The following TRIM38 variants were observed in gnomAD, a reference collection of about 807,000 sequenced individuals.
TRIM38 encodes the protein tripartite motif containing 38, also known as E3 ubiquitin-protein ligase TRIM38.
In TRIM38, 35 loss-of-function variants were observed where a neutral mutation model predicts 35.8. The observed-to-expected ratio is 0.98, with a 90% confidence interval of 0.75 to 1.30. TRIM38 has a LOEUF of 1.30. TRIM38 is among the 50% of genes most tolerant of loss of function. The pLI, the probability that TRIM38 is intolerant of heterozygous loss-of-function variation, is 0.00. For synonymous variants in TRIM38, 198 were observed against 204.7 expected, an observed-to-expected ratio of 0.97 and a Z score of 0.28; for missense variants, 545 against 556.9, an observed-to-expected ratio of 0.98 and a Z score of 0.21.
At position 25,964,009 on chromosome 6, in the gene TRIM38, A is replaced by T. The variant is rs188156394; in HGVS notation, c.-189+727A>T. 1.1e-3 allele frequency among the ~76,000 whole-genome samples: 173 copies of T among 152,146 alleles called. 1 individual carries two copies. The highest frequency in any genetic ancestry group is 5.0e-3 in the South Asian group (24 of 4,798). The stretch of plus-strand genomic sequence containing the variant: ...TGGGGGATGGGGGGGGTCGAGGTGG[A>T]GTCAAATTTTATTGTCATGATGGTG... On this transcript the variant is annotated intron_variant, in intron 2 of 7. Coordinates refer to ENST00000357085, the MANE Select transcript of TRIM38 (RefSeq NM_006355.5).
intron 7 of TRIM38, chr6:25,975,118 C>T (rs557588138): frequency 3.3e-4 from 320 of 970,028 alleles, no homozygotes; most frequent in African/African-American, 2.7e-3. Flanking sequence ...CTGCAAGCTC[C>T]GCCTTCCGGG....
At chr6:25,975,101 C>T (rs1328674933) in intron 7 of TRIM38, 11 of 941,838 alleles carry the variant, frequency 1.2e-5, no homozygotes, top group South Asian at 9.8e-5. Flanking sequence ...GGTGCGATCT[C>T]GGCTCACTGC....
At chr6:25,975,472 G>A (rs1050206788) in intron 7 of TRIM38, 8 of 422,428 alleles carry the variant, frequency 1.9e-5, no homozygotes, top group African/African-American at 1.7e-4. Context: ...AAAGTGCTAG[G>A]ATTACAAGTG....
rs1760042036 is a variant in TRIM38, at chr6:25,966,321, C to A, written c.-188-14C>A. ...GTGGCCCAAACAACCTCAGCCTCAA[C>A]TTCTTCCTTTTAGGTCCTCTTTTCT... is the stretch of plus-strand genomic sequence containing the variant. On this transcript the variant is annotated splice_polypyrimidine_tract_variant and intron_variant, in intron 2 of 7. Transcript: ENST00000357085. 5.6e-6 allele frequency: 3 copies of A among 540,516 alleles called. No homozygotes were observed. Among genetic ancestry groups the A allele is most frequent in the African/African-American group, 3.8e-5 (2 of 52,222 alleles). The allele number at this position is 540,516 out of a possible 1,614,324, so 33.5% of individuals were successfully genotyped here.
intron 7 of TRIM38, chr6:25,975,460 C>T (rs1164988961): frequency 5.5e-6 from 2 of 363,006 alleles, no homozygotes; most frequent in Non-Finnish European, 7.6e-6. Flanking sequence ...TCTCTGCCTC[C>T]CAAAGTGCTA....
chr6:25,971,482 T>C (rs952536532), intron 4 of TRIM38, among the ~76,000 whole-genome samples: 1 of 152,238 alleles, frequency 6.6e-6, no homozygotes, highest in Non-Finnish European at 1.5e-5. Context: ...TTTAAGTATA[T>C]AGTTCAGTAG....
intron 7 of TRIM38, among the ~76,000 whole-genome samples, chr6:25,976,364 C>G (rs1044646781): frequency 6.6e-6 from 1 of 152,194 alleles, no homozygotes; most frequent in Non-Finnish European, 1.5e-5. Flanking sequence ...AATTCCTGGG[C>G]TTAAGCAATC....
At position 25,987,175 on chromosome 6, in the gene TRIM38, T is replaced by C. The variant is rs924280759; in HGVS notation, c.*3488T>C. 1.4e-4 allele frequency: 21 copies of C among 150,570 alleles called. No individual in the cohort carries two copies. The highest frequency in any genetic ancestry group is 3.2e-4 in the African/African-American group (13 of 40,894). The allele number at this position is 150,570 out of a possible 1,614,324, so 9.3% of individuals were successfully genotyped here. A position where few individuals can be genotyped will look rare whatever the true frequency, so the allele number is the denominator to read the frequency against. On this transcript the variant is annotated 3_prime_UTR_variant, in exon 8 of 8. Transcript: ENST00000357085. ...CAAAAAAGAAAAGCCTACAAACTCA[T>C]TGATATAAAAGCTTAACAAAGGTAC...
intron 7 of TRIM38, among the ~76,000 whole-genome samples, chr6:25,979,007 G>A (rs1002386076): frequency 4.6e-5 from 7 of 151,964 alleles, no homozygotes; most frequent in Non-Finnish European, 8.8e-5. Flanking sequence ...TATTATATAT[G>A]TCATATATGA....
chr6:25,968,294 A>C (rs1220109076), intron 3 of TRIM38, among the ~76,000 whole-genome samples: 1 of 152,148 alleles, frequency 6.6e-6, no homozygotes, highest in Non-Finnish European at 1.5e-5. Context: ...TCCCATTTGA[A>C]TTACTTTTCC....
intron 3 of TRIM38, among the ~76,000 whole-genome samples, chr6:25,967,158 A>G (rs1581597602): frequency 6.6e-6 from 1 of 152,188 alleles, no homozygotes; most frequent in African/African-American, 2.4e-5. Context: ...CATTTGTGTT[A>G]TGATGAATTT....
In TRIM38 at chr6:25,990,774, A is replaced by G. The variant is rs1760813761; in HGVS notation, c.*7087A>G. The G allele has an allele frequency of 6.6e-6, 1 of 151,904 alleles. No homozygotes were observed. The highest frequency in any genetic ancestry group is 1.5e-5 in the Non-Finnish European group (1 of 67,974). 9.4% of individuals were successfully genotyped at this position (151,904 alleles called of 1,614,324 possible). A position where few individuals can be genotyped will look rare whatever the true frequency, so the allele number is the denominator to read the frequency against. On this transcript the variant is annotated 3_prime_UTR_variant, in exon 8 of 8. Transcript: ENST00000357085. ...AATTATAATTCACAGTTATCCTTGT[A>G]ACTCCTAATGTCTATATAAAAGATT...
In TRIM38 at chr6:25,966,655, A is replaced by G; in HGVS notation, c.133A>G (p.Lys45Glu). 6.2e-7 allele frequency: 1 copy of G among 1,614,210 alleles called. No homozygotes were observed. Among genetic ancestry groups the G allele is most frequent in the Non-Finnish European group, 8.5e-7 (1 of 1,180,046 alleles). Reference protein sequence around the residue: ...YCHLCITDFFKNPSQKQLRQE... With the variant: ...YCHLCITDFFENPSQKQLRQE... ...CCACTTGTGTATAACAGACTTCTTT[A>G]AAAACCCAAGCCAAAAGCAACTGAG... The change falls in exon 3 of 8, where the codon AAA becomes GAA. Residue 45 changes from lysine to glutamate, a missense_variant. Physicochemically the swap from Lys to Glu is moderately conservative, Grantham distance 56. Transcript: ENST00000357085.
chr6:25,974,118 G>T (rs1201286282), intron 7 of TRIM38, among the ~76,000 whole-genome samples: 1 of 152,190 alleles, frequency 6.6e-6, no homozygotes, highest in African/African-American at 2.4e-5. Context: ...GCTTAGTTGG[G>T]CCTGCTGCTT....
In TRIM38 at chr6:25,973,229, T is replaced by C. The variant is rs2113598561; in HGVS notation, c.818T>C (p.Met273Thr). 1.2e-6 allele frequency: 2 copies of C among 1,614,158 alleles called. No individual in the cohort carries two copies. Among genetic ancestry groups the C allele is most frequent in the South Asian group, 1.1e-5 (1 of 91,080 alleles). ...GCTGTCTCCTTGGAACTTCATACTA[T>C]GTGCAATGTTTCCAAGCTTTACTTC... ...SEAVSLELHT[M>T]CNVSKLYFDV... The change falls in exon 7 of 8, where the codon ATG becomes ACG. Residue 273 changes from methionine to threonine, a missense_variant. Coordinates refer to ENST00000357085, the MANE Select transcript of TRIM38 (RefSeq NM_006355.5).
chr6:25,983,349 G>C lies in TRIM38; in HGVS notation c.1060G>C (p.Gly354Arg), dbSNP rs1412829314. 10 of 1,614,016 alleles carry C rather than the reference G, an allele frequency of 6.2e-6. No homozygotes were observed. The highest frequency in any genetic ancestry group is 8.5e-6 in the Non-Finnish European group (10 of 1,180,022). ...AAGACGTTACTTTGAAGTGGATGTTGGCGAAGGAACCGGATGGGATTTAGG... is the reference window on the plus strand; with the variant it reads ...AAGACGTTACTTTGAAGTGGATGTTCGCGAAGGAACCGGATGGGATTTAGG... ...SGRRYFEVDVGEGTGWDLGVC... is the reference protein window; with the variant it reads ...SGRRYFEVDVREGTGWDLGVC... The change falls in exon 8 of 8, where the codon GGC (glycine) becomes CGC (arginine). Residue 354 changes from glycine to arginine, a missense_variant. Transcript: ENST00000357085.
At chr6:25,973,688 T>C (rs978073031) in intron 7 of TRIM38, 1 of 985,316 alleles carries the variant, frequency 1.0e-6, no homozygotes, top group Non-Finnish European at 1.2e-6. Context: ...CTGATCATAG[T>C]GTTTATTATC....
chr6:25,965,722 G>GACCATCCT (rs1760011825), intron 2 of TRIM38, among the ~76,000 whole-genome samples: 1 of 151,802 alleles, frequency 6.6e-6, no homozygotes, highest in East Asian at 1.9e-4. Context: ...TCAAGAGATC[G>GACCATCCT]AGCCAACCAA....
At position 25,983,309 on chromosome 6, in the gene TRIM38, A is replaced by T. The variant is rs1760613974; in HGVS notation, c.1020A>T (p.Glu340Asp). The T allele has an allele frequency of 6.2e-7, 1 of 1,614,016 alleles. No homozygotes were observed. Among genetic ancestry groups the T allele is most frequent in the African/African-American group, 1.3e-5 (1 of 74,898 alleles). ...FTAFPCVLGC[E>D]GFTSGRRYFE... ...CCTTCCCCTGTGTCTTGGGTTGTGA[A>T]GGCTTCACCTCAGGAAGACGTTACT... Residue 340 changes from glutamate (E) to aspartate (D), a missense_variant, in exon 8 of 8, where the codon GAA becomes GAT. Coordinates refer to ENST00000357085, the MANE Select transcript of TRIM38 (RefSeq NM_006355.5).
Sources: gnomAD v4.1 joint callset for allele counts (sites outside exome capture counted in the v4.1 genomes callset) on GRCh38, gnomAD v4.1.1 for gene constraint, MANE v1.5 for transcripts, NCBI Gene and HGNC (gene_info 2026-07-23, HGNC 2026-07-21) for gene names.